TBL1X: variants seen among roughly 807,000 people sequenced by gnomAD.
TBL1X encodes transducin beta like 1 X-linked, also known as F-box-like/WD repeat-containing protein TBL1X.
A neutral mutation model predicts 50.7 loss-of-function variants in TBL1X; 10 were observed. That is an observed-to-expected ratio of 0.20 (90% CI 0.12 to 0.33). TBL1X has a LOEUF of 0.33. TBL1X is among the 10% of genes least tolerant of loss of function. TBL1X has a pLI of 1.00. For synonymous variants in TBL1X, 190 were observed against 214.7 expected (o/e 0.88, Z 1.01); for missense variants, 340 against 504.4 (o/e 0.67, Z 3.12).
intron 11 of TBL1X, among the ~76,000 whole-genome samples, chrX:9,694,545 C>T (rs1311138288): frequency 2.3e-4 from 26 of 111,276 alleles, no homozygotes; most frequent in Admixed American, 2.2e-3. Flanking sequence ...TGCAGTGAGC[C>T]GAGATTGCGC....
chrX:9,522,311 G>T (rs2082111082), intron 2 of TBL1X, among the ~76,000 whole-genome samples: 1 of 111,779 alleles, frequency 8.9e-6, no homozygotes, highest in Non-Finnish European at 1.9e-5. Context: ...GAGCCACAAT[G>T]CCCAGCCTAA....
intron 5 of TBL1X, among the ~76,000 whole-genome samples, chrX:9,658,262 G>C (rs766625927): frequency 1.8e-5 from 2 of 111,560 alleles, no homozygotes; most frequent in Non-Finnish European, 3.8e-5. Flanking sequence ...CAGTGTGTGA[G>C]TCCATTGGCC....
intron 1 of TBL1X, among the ~76,000 whole-genome samples, chrX:9,493,870 C>T (rs149660881): frequency 0.015 from 1,639 of 111,961 alleles, 31 homozygotes; most frequent in African/African-American, 0.051. Context: ...AGAACCCTCT[C>T]GTGGGAACAG....
At chrX:9,661,792 C>T (rs113881452) in intron 5 of TBL1X, among the ~76,000 whole-genome samples, 8,926 of 110,911 alleles carry the variant, frequency 0.08, 897 homozygotes, top group African/African-American at 0.28. Context: ...GCGTGGGTCT[C>T]GGTTAGAGTG....
At position 9,709,777 on chromosome X, in the gene TBL1X, C is replaced by T; in HGVS notation, c.1439+17C>T. 8.3e-7 allele frequency: 1 copy of T among 1,204,229 alleles called. No individual in the cohort carries two copies. Among genetic ancestry groups the T allele is most frequent in the Non-Finnish European group, 1.1e-6 (1 of 891,491 alleles). ...GTTGGCAAGGTAAGGGCAGGCAACACAGCTGGCACAGCTCGGTGTTACACA... is the reference window on the plus strand; with the variant it reads ...GTTGGCAAGGTAAGGGCAGGCAACATAGCTGGCACAGCTCGGTGTTACACA... On this transcript the variant is annotated intron_variant, in intron 15 of 17. Coordinates refer to ENST00000645353, the MANE Select transcript of TBL1X (RefSeq NM_005647.4).
In TBL1X at chrX:9,471,963, G is replaced by A. The variant is rs747021577; in HGVS notation, c.-201+6516G>A. Reference sequence around the variant, plus strand: ...GAATATGGGAGTAGGGAGGAGGTGAGGCTCTCTCCTGCCCGGTAACCTTCC... The same window carrying A: ...GAATATGGGAGTAGGGAGGAGGTGAAGCTCTCTCCTGCCCGGTAACCTTCC... On this transcript the variant is annotated intron_variant, in intron 1 of 17. Coordinates refer to ENST00000645353, the MANE Select transcript of TBL1X (RefSeq NM_005647.4). 1.5e-3 allele frequency among the ~76,000 whole-genome samples: 167 copies of A among 111,313 alleles called. 1 individual carries two copies. Among genetic ancestry groups the A allele is most frequent in the African/African-American group, 5.2e-3 (159 of 30,654 alleles).
intron 2 of TBL1X, among the ~76,000 whole-genome samples, chrX:9,523,113 T>TA (rs1166229528): frequency 6.5e-4 from 73 of 111,605 alleles, no homozygotes; most frequent in African/African-American, 2.2e-3. Context: ...CATTATGTTT[T>TA]AAAAAAAACC....
chrX:9,706,985 C>T (rs919260715), intron 13 of TBL1X, among the ~76,000 whole-genome samples: 1 of 111,879 alleles, frequency 8.9e-6, no homozygotes, highest in Non-Finnish European at 1.9e-5. Context: ...ACATGAATGC[C>T]ACAGCCCTGG....
At chrX:9,639,361 AT>A (rs1356713800) in intron 2 of TBL1X, among the ~76,000 whole-genome samples, 1 of 111,663 alleles carries the variant, frequency 9.0e-6, no homozygotes, top group Non-Finnish European at 1.9e-5. Context: ...TTAAATAAGA[AT>A]TTAGAGAAAA....
intron 2 of TBL1X, among the ~76,000 whole-genome samples, chrX:9,531,354 GGTGTGTGTGTGTGTGTGT>G (rs57905343): frequency 0.014 from 1,079 of 75,206 alleles, 15 homozygotes; most frequent in African/African-American, 0.046. Context: ...GAACCTGGAG[GGTGTGTGTGTGTGTGTGT>G]GTGTGTGTGT....
chrX:9,557,391 A>G (rs1055373201), intron 2 of TBL1X, among the ~76,000 whole-genome samples: 1 of 111,530 alleles, frequency 9.0e-6, no homozygotes, highest in African/African-American at 3.3e-5. Flanking sequence ...AGGCGGTCAG[A>G]GGGAGTTCTG....
intron 2 of TBL1X, among the ~76,000 whole-genome samples, chrX:9,507,573 C>A (rs953830602): frequency 8.9e-6 from 1 of 112,231 alleles, no homozygotes; most frequent in African/African-American, 3.2e-5. Context: ...ACATTCTTCA[C>A]AGAATTAGGA....
intron 2 of TBL1X, among the ~76,000 whole-genome samples, chrX:9,551,801 C>T (rs997180597): frequency 5.4e-5 from 6 of 111,851 alleles, no homozygotes; most frequent in African/African-American, 1.6e-4. Flanking sequence ...AGCACACGCA[C>T]GCTGGCCACT....
chrX:9,503,174 C>G (rs762132658), intron 2 of TBL1X, among the ~76,000 whole-genome samples: 72 of 111,945 alleles, frequency 6.4e-4, no homozygotes, highest in Non-Finnish European at 1.2e-3. Context: ...GAAGGAAGAA[C>G]AGTGTGGTGT....
At chrX:9,647,933 G>A (rs2082813497) in intron 3 of TBL1X, among the ~76,000 whole-genome samples, 1 of 111,725 alleles carries the variant, frequency 9.0e-6, no homozygotes, top group African/African-American at 3.3e-5. Context: ...CCACATACTG[G>A]ATATTTTCTG....
At chrX:9,535,195 A>G (rs1242081305) in intron 2 of TBL1X, among the ~76,000 whole-genome samples, 1 of 111,802 alleles carries the variant, frequency 8.9e-6, no homozygotes, top group Non-Finnish European at 1.9e-5. Flanking sequence ...AGAAGCTCTG[A>G]AATCCTAATT....
intron 2 of TBL1X, among the ~76,000 whole-genome samples, chrX:9,568,424 G>A (rs960492908): frequency 3.6e-5 from 4 of 110,426 alleles, no homozygotes; most frequent in Non-Finnish European, 7.6e-5. Flanking sequence ...GTGTGTGGCT[G>A]TGTATTTTGT....
At chrX:9,662,093 C>A (rs1354078476) in intron 5 of TBL1X, among the ~76,000 whole-genome samples, 1 of 111,462 alleles carries the variant, frequency 9.0e-6, no homozygotes, top group Non-Finnish European at 1.9e-5. Flanking sequence ...AGGGTGCTGT[C>A]AGTCGAGTGG....
intron 1 of TBL1X, among the ~76,000 whole-genome samples, chrX:9,466,523 C>T (rs757064447): frequency 8.9e-6 from 1 of 112,444 alleles, no homozygotes; most frequent in Non-Finnish European, 1.9e-5. Flanking sequence ...GAAACAAAAA[C>T]CTACCCTCTA....
Sources: gnomAD v4.1 joint callset for allele counts (sites outside exome capture counted in the v4.1 genomes callset) on GRCh38, gnomAD v4.1.1 for gene constraint, MANE v1.5 for transcripts, NCBI Gene and HGNC (gene_info 2026-07-23, HGNC 2026-07-21) for gene names.